Variants in ANKFN1 observed in about 807,000 individuals in gnomAD.
The protein encoded by ANKFN1 is ankyrin repeat and fibronectin type-III domain-containing protein 1.
In ANKFN1, 74 loss-of-function variants were observed where a neutral mutation model predicts 108.7. That is an observed-to-expected ratio of 0.68 (90% CI 0.56 to 0.83). ANKFN1 has a LOEUF of 0.83. Ranked by LOEUF, ANKFN1 falls within the 40% of genes least tolerant of loss-of-function variation. The pLI is 0.00. For missense variants in ANKFN1, 1,505 were observed against 1,382.3 expected (o/e 1.09, Z -1.41); for synonymous variants, 547 against 516.2 (o/e 1.06, Z -0.81).
intron 3 of ANKFN1, among the ~76,000 whole-genome samples, chr17:56,276,417 G>A (rs578008563): frequency 2.0e-5 from 3 of 152,116 alleles, no homozygotes; most frequent in Non-Finnish European, 4.4e-5. Context: ...GGTCCTTGAG[G>A]AATCGCCACA....
chr17:56,098,166 A>T (rs1036094735), intron 4 of ANKFN1, among the ~76,000 whole-genome samples: 2 of 152,264 alleles, frequency 1.3e-5, no homozygotes, highest in African/African-American at 4.8e-5. Context: ...GAAGCTGGAA[A>T]AGAATGGATT....
chr17:56,468,500 T>G (rs547546103), intron 15 of ANKFN1, among the ~76,000 whole-genome samples: 1 of 152,006 alleles, frequency 6.6e-6, no homozygotes, highest in South Asian at 2.1e-4. Flanking sequence ...GGCAGAAACA[T>G]CTACACTGAG....
At chr17:56,449,459 C>A (rs554097311) in intron 11 of ANKFN1, among the ~76,000 whole-genome samples, 2 of 152,098 alleles carry the variant, frequency 1.3e-5, no homozygotes. Context: ...GTTCCCTTCT[C>A]TCGGAATTGT....
At chr17:56,320,811 G>GA (rs980790266) in intron 3 of ANKFN1, among the ~76,000 whole-genome samples, 29 of 152,092 alleles carry the variant, frequency 1.9e-4, no homozygotes, top group African/African-American at 6.3e-4. Context: ...TGTGGCACTG[G>GA]AAAATCCCAC....
intron 8 of ANKFN1, among the ~76,000 whole-genome samples, chr17:56,380,567 G>A (rs1003889410): frequency 6.6e-5 from 10 of 152,172 alleles, no homozygotes; most frequent in Non-Finnish European, 1.5e-4. Flanking sequence ...CTGGAAAATC[G>A]GGTCACTTCC....
chr17:56,205,577 A>G (rs1160890289), intron 1 of ANKFN1, among the ~76,000 whole-genome samples: 1 of 152,174 alleles, frequency 6.6e-6, no homozygotes, highest in East Asian at 1.9e-4. Flanking sequence ...GACAATGTGT[A>G]TTTTTGGCAG....
At chr17:56,271,211 G>T (rs2043785075) in intron 3 of ANKFN1, among the ~76,000 whole-genome samples, 1 of 152,052 alleles carries the variant, frequency 6.6e-6, no homozygotes, top group Non-Finnish European at 1.5e-5. Context: ...GTTTTGCCAT[G>T]TTGCCCAGGC....
At chr17:56,370,598 G>A (rs932954905) in intron 6 of ANKFN1, among the ~76,000 whole-genome samples, 1 of 152,158 alleles carries the variant, frequency 6.6e-6, no homozygotes, top group Admixed American at 6.5e-5. Context: ...CTATAATTTG[G>A]AGTGGAAGAA....
At chr17:56,275,740 C>CT (rs1242417079) in intron 3 of ANKFN1, among the ~76,000 whole-genome samples, 8 of 152,076 alleles carry the variant, frequency 5.3e-5, no homozygotes, top group African/African-American at 1.9e-4. Flanking sequence ...AAGAAATGGA[C>CT]TTAGTACCTA....
chr17:56,193,775 G>A (rs1913238652), intron 1 of ANKFN1, among the ~76,000 whole-genome samples: 1 of 152,084 alleles, frequency 6.6e-6, no homozygotes, highest in Non-Finnish European at 1.5e-5. Context: ...ATATTGATAA[G>A]CCAGACTTCA....
intron 10 of ANKFN1, among the ~76,000 whole-genome samples, chr17:56,443,485 G>A (rs11654202): frequency 0.53 from 81,189 of 151,988 alleles, 26,393 homozygotes; most frequent in East Asian, 0.87. Context: ...TGGGAGTGGC[G>A]GCCCAGAGTA....
chr17:56,168,088 A>G (rs1910327029), intron 1 of ANKFN1, among the ~76,000 whole-genome samples: 1 of 152,014 alleles, frequency 6.6e-6, no homozygotes, highest in Admixed American at 6.6e-5. Context: ...CCAGCATGGC[A>G]AAACCCCATC....
At chr17:56,176,424 T>G (rs948516832) in intron 1 of ANKFN1, among the ~76,000 whole-genome samples, 1 of 152,218 alleles carries the variant, frequency 6.6e-6, no homozygotes, top group African/African-American at 2.4e-5. Context: ...GTTTAAAGTT[T>G]GGATTTGATG....
intron 6 of ANKFN1, among the ~76,000 whole-genome samples, chr17:56,357,670 G>A (rs1479020368): frequency 6.6e-6 from 1 of 152,192 alleles, no homozygotes; most frequent in Non-Finnish European, 1.5e-5. Context: ...AAAAGAAGCA[G>A]AATGCTTCTG....
At chr17:56,463,415 A>C (rs1391323240) in intron 14 of ANKFN1, among the ~76,000 whole-genome samples, 1 of 152,202 alleles carries the variant, frequency 6.6e-6, no homozygotes, top group East Asian at 1.9e-4. Flanking sequence ...AATTTTAAAG[A>C]GAAAAAATTA....
rs116709648 is a variant in ANKFN1 at position 56,170,462 on chromosome 17, G to A, written c.-71+16932G>A. Among the ~76,000 whole-genome samples the A allele has an allele frequency of 8.1e-3, 1,237 of 152,162 alleles. 16 individuals carry two copies. The highest frequency in any genetic ancestry group is 0.027 in the African/African-American group (1,141 of 41,526). On this transcript the variant is annotated intron_variant, in intron 1 of 20. Coordinates refer to ENST00000682825, the MANE Select transcript of ANKFN1 (RefSeq NM_001370326.1). ...TGTTTAATGCCAATCTTCATTAAAT[G>A]TATTAAAATAACCTAACAGGTCGGG...
intron 3 of ANKFN1, among the ~76,000 whole-genome samples, chr17:56,280,548 C>G (rs1346568365): frequency 1.3e-5 from 2 of 152,140 alleles, no homozygotes; most frequent in Non-Finnish European, 2.9e-5. Context: ...ATACCACCAG[C>G]TTCTCTGGTT....
At chr17:56,391,277 A>T (rs1405115863) in intron 8 of ANKFN1, among the ~76,000 whole-genome samples, 1 of 142,766 alleles carries the variant, frequency 7.0e-6, no homozygotes, top group Non-Finnish European at 1.5e-5. Context: ...GTACATATAT[A>T]TATGTATATG....
At chr17:56,385,590 C>T (rs2047238170) in intron 8 of ANKFN1, among the ~76,000 whole-genome samples, 1 of 152,146 alleles carries the variant, frequency 6.6e-6, no homozygotes, top group Admixed American at 6.5e-5. Flanking sequence ...GGGCTAATAT[C>T]CAGAATCTAC....
Sources: allele counts gnomAD v4.1 joint callset (sites outside exome capture counted in the v4.1 genomes callset), GRCh38; gene constraint gnomAD v4.1.1; transcripts MANE v1.5; gene names NCBI Gene and HGNC (gene_info 2026-07-23, HGNC 2026-07-21).